The following EGFLAM variants were observed in gnomAD, a reference collection of about 807,000 sequenced individuals.
The protein encoded by EGFLAM is EGF like, fibronectin type III and laminin G domains.
EGFLAM carries 79 observed loss-of-function variants against 113.1 expected under a neutral mutation model. The observed-to-expected ratio is 0.70, with a 90% confidence interval of 0.58 to 0.84. The LOEUF (loss-of-function observed/expected upper bound fraction) is 0.84. EGFLAM is among the 40% of genes least tolerant of loss of function. The pLI, the probability that EGFLAM is intolerant of heterozygous loss-of-function variation, is 0.00. For missense variants in EGFLAM, 1,265 were observed against 1,291.6 expected, an observed-to-expected ratio of 0.98 and a Z score of 0.32; for synonymous variants, 504 against 487.6, an observed-to-expected ratio of 1.03 and a Z score of -0.44.
intron 19 of EGFLAM, 96 bp from the exon 20 acceptor site, chr5:38,458,215 A>G (rs897172417): frequency 2.6e-6 from 3 of 1,152,882 alleles, no homozygotes; most frequent in Non-Finnish European, 3.6e-6. Context: ...TCTGAGTTGC[A>G]AAGAACTTTT....
Position 38,393,444 on chromosome 5 carries a change from A to G in EGFLAM, c.713-12682A>G, listed in dbSNP as rs1339850471. Among the ~76,000 whole-genome samples the G allele has an allele frequency of 2.0e-5, 3 of 151,796 alleles. No homozygotes were observed. In the East Asian group the frequency reaches 5.8e-4, roughly 29 times the overall value. On this transcript the variant is annotated intron_variant, in intron 6 of 21. Coordinates refer to ENST00000322350, the MANE Select transcript of EGFLAM (RefSeq NM_152403.4). ...GGAACTGGAGTGGTTCGTTTTACTC[A>G]GCCCATCACTGGCCACTCCTCATGG...
intron 8 of EGFLAM, among the ~76,000 whole-genome samples, chr5:38,407,557 A>C (rs528556956): frequency 2.0e-5 from 3 of 152,350 alleles, no homozygotes; most frequent in Admixed American, 1.3e-4. Flanking sequence ...CCCTAATGCC[A>C]TTGGTTTCTT....
rs201173192 is a variant in EGFLAM, at chr5:38,415,362, C to CA, written c.1495-2691dup. Among the ~76,000 whole-genome samples the CA allele has an allele frequency of 8.2e-3, 1,061 of 129,618 alleles. 6 individuals are homozygous for CA. Among genetic ancestry groups the CA allele is most frequent in the African/African-American group, 0.023 (808 of 34,744 alleles). 85.0% of individuals were successfully genotyped at this position (129,618 alleles called of 152,430 possible). ...TGGGCTGCAGAGCAAGACTCCATCT[C>CA]AAAAAAAAAAAAAGAAAAGAATTAA... On this transcript the variant is annotated intron_variant, in intron 11 of 21. Transcript: ENST00000322350.
intron 5 of EGFLAM, among the ~76,000 whole-genome samples, chr5:38,358,463 A>AAGAG: frequency 6.6e-6 from 1 of 151,464 alleles, no homozygotes; most frequent in East Asian, 2.0e-4. Flanking sequence ...AAAAAAAAAA[A>AAGAG]AAAAAGATTA....
intron 10 of EGFLAM, among the ~76,000 whole-genome samples, chr5:38,412,077 G>A (rs1267955466): frequency 6.6e-6 from 1 of 152,236 alleles, no homozygotes; most frequent in Non-Finnish European, 1.5e-5. Context: ...TGGGATTACA[G>A]ACGTAACTCA....
chr5:38,408,934 CT>C (rs1741380309), intron 9 of EGFLAM, 69 bp from the exon 10 acceptor site: 1 of 1,308,836 alleles, frequency 7.6e-7, no homozygotes, highest in African/African-American at 1.5e-5. Flanking sequence ...ACATTTGTGT[CT>C]TTCCAGGTGG....
At chr5:38,331,536 A>C (rs1360810772) in intron 1 of EGFLAM, among the ~76,000 whole-genome samples, 2 of 152,054 alleles carry the variant, frequency 1.3e-5, no homozygotes, top group East Asian at 3.9e-4. Context: ...TACCCACTGA[A>C]GTTTCCTCGA....
chr5:38,407,185 G>T, intron 8 of EGFLAM, 39 bp downstream of exon 8: 1 of 1,596,088 alleles, frequency 6.3e-7, no homozygotes. Context: ...GTGATGAATT[G>T]GCACCATTGA....
chr5:38,359,039 T>C (rs1463259564), intron 5 of EGFLAM, among the ~76,000 whole-genome samples: 1 of 152,220 alleles, frequency 6.6e-6, no homozygotes, highest in African/African-American at 2.4e-5. Context: ...TAGCTACCTA[T>C]GTTTTGAAAT....
At chr5:38,414,224 T>G (rs1427123213) in intron 11 of EGFLAM, among the ~76,000 whole-genome samples, 1 of 152,220 alleles carries the variant, frequency 6.6e-6, no homozygotes, top group Non-Finnish European at 1.5e-5. Context: ...CCAGGGAGAT[T>G]GTTTATGCTC....
chr5:38,430,989 G>A (rs1002685565), intron 14 of EGFLAM, among the ~76,000 whole-genome samples, 188 bp from the exon 15 acceptor site: 10 of 152,134 alleles, frequency 6.6e-5, no homozygotes, highest in Admixed American at 2.0e-4. Flanking sequence ...CAGAGCCTCC[G>A]CAGATTCCAT....
chr5:38,262,243 G>A (rs1757517179), intron 1 of EGFLAM, among the ~76,000 whole-genome samples: 1 of 152,186 alleles, frequency 6.6e-6, no homozygotes, highest in Non-Finnish European at 1.5e-5. Flanking sequence ...CTGTGGTGGG[G>A]CAGGAAGAAG....
In EGFLAM at chr5:38,435,216, C is replaced by A. The variant is rs115665295; in HGVS notation, c.2246C>A (p.Ser749Ter). 1 of 1,614,090 alleles carries A rather than the reference C, an allele frequency of 6.2e-7. No individual in the cohort carries two copies. Among genetic ancestry groups the A allele is most frequent in the Admixed American group, 1.7e-5 (1 of 60,028 alleles). ...AATTATGATGATGTGAAGAAGAACT[C>A]GGGTGTCCTGAAGCCTTTCAGCGGG... ...VPNYDDVKKN[S>*]GVLKPFSGSI... is the part of the protein sequence containing the mutation. The change falls in exon 16 of 22, where the codon TCG (serine) becomes TAG (stop). Residue 749 changes from serine to a stop codon, truncating the protein, a stop_gained. Transcript: ENST00000322350. LOFTEE classifies it high-confidence loss of function.
chr5:38,267,666 G>A (rs573311193), intron 1 of EGFLAM, among the ~76,000 whole-genome samples: 2 of 152,276 alleles, frequency 1.3e-5, no homozygotes, highest in Admixed American at 6.5e-5. Context: ...AGAAGGCACC[G>A]CTCTGGCATA....
At chr5:38,343,616 A>G (rs1739401034) in intron 3 of EGFLAM, among the ~76,000 whole-genome samples, 1 of 152,280 alleles carries the variant, frequency 6.6e-6, no homozygotes, top group Admixed American at 6.5e-5. Context: ...ACTTCCTGTG[A>G]CCAGGGAATA....
At chr5:38,429,135 A>G (rs976141001) in intron 14 of EGFLAM, among the ~76,000 whole-genome samples, 1 of 152,228 alleles carries the variant, frequency 6.6e-6, no homozygotes, top group Admixed American at 6.5e-5. Flanking sequence ...AGATGGGCAA[A>G]TTCATTATGA....
At chr5:38,365,887 C>T (rs1293671407) in intron 5 of EGFLAM, among the ~76,000 whole-genome samples, 1 of 152,094 alleles carries the variant, frequency 6.6e-6, no homozygotes, top group Non-Finnish European at 1.5e-5. Flanking sequence ...ATTATGGTCC[C>T]TGATTGAGGA....
intron 1 of EGFLAM, among the ~76,000 whole-genome samples, chr5:38,332,224 C>T (rs1477055096): frequency 1.3e-5 from 2 of 152,064 alleles, no homozygotes; most frequent in Non-Finnish European, 2.9e-5. Flanking sequence ...ATTGTGGTAT[C>T]TTTTTTGGTG....
At chr5:38,304,650 C>T (rs1758681352) in intron 1 of EGFLAM, among the ~76,000 whole-genome samples, 3 of 152,296 alleles carry the variant, frequency 2.0e-5, no homozygotes, top group South Asian at 4.2e-4. Flanking sequence ...CACTCACACA[C>T]ACAAAGTTTA....
Sources: gnomAD v4.1 joint callset for allele counts (sites outside exome capture counted in the v4.1 genomes callset) on GRCh38, gnomAD v4.1.1 for gene constraint, MANE v1.5 for transcripts, NCBI Gene and HGNC (gene_info 2026-07-23, HGNC 2026-07-21) for gene names.